The following NBAS variants were observed in gnomAD, a reference collection of about 807,000 sequenced individuals.
NBAS encodes NBAS subunit of NRZ tethering complex.
A neutral mutation model predicts 302.5 loss-of-function variants in NBAS; 219 were observed. The ratio of observed to expected loss-of-function variants is 0.72; its 90% confidence interval spans 0.65 to 0.81. NBAS has a LOEUF of 0.81. Among genes scored for constraint, NBAS ranks in the 30% least tolerant of loss-of-function variants. The pLI is 0.00. For missense variants in NBAS, 2,932 were observed against 2,841.6 expected (o/e 1.03, Z -0.72); for synonymous variants, 1,118 against 1,021.6 (o/e 1.09, Z -1.80).
the NBAS span, among the ~76,000 whole-genome samples, chr2:14,815,430 C>A: frequency 6.6e-6 from 1 of 152,172 alleles, no homozygotes; most frequent in African/African-American, 2.4e-5. Flanking sequence ...TAGTTCCTGG[C>A]ACTCACACTT....
the NBAS span, among the ~76,000 whole-genome samples, chr2:14,997,123 A>G: frequency 6.6e-6 from 1 of 152,242 alleles, no homozygotes; most frequent in Non-Finnish European, 1.5e-5. Context: ...TGGATAAAGG[A>G]GAAAACAACA....
chr2:15,414,165 A>T (rs576527912), intron 25 of NBAS, among the ~76,000 whole-genome samples: 1 of 152,370 alleles, frequency 6.6e-6, no homozygotes, highest in African/African-American at 2.4e-5. Flanking sequence ...AGAAAATTTT[A>T]AAAAGCCAAT....
intron 2 of NBAS, among the ~76,000 whole-genome samples, chr2:15,557,324 C>T (rs998917564): frequency 6.6e-6 from 1 of 151,996 alleles, no homozygotes; most frequent in Non-Finnish European, 1.5e-5. Context: ...TATGTGTGTA[C>T]CTGTGTATGC....
the NBAS span, among the ~76,000 whole-genome samples, chr2:15,153,030 A>C: frequency 6.6e-6 from 1 of 152,252 alleles, no homozygotes; most frequent in Non-Finnish European, 1.5e-5. Context: ...TTTTAGGCTC[A>C]CACAGGTTGT....
chr2:15,244,161 G>C (rs536898475), intron 44 of NBAS, among the ~76,000 whole-genome samples: 7 of 152,114 alleles, frequency 4.6e-5, no homozygotes, highest in Non-Finnish European at 5.9e-5. Context: ...ATGTGGCTAC[G>C]GGCACATGAC....
At chr2:14,792,276 A>G in the NBAS span, among the ~76,000 whole-genome samples, 1 of 152,236 alleles carries the variant, frequency 6.6e-6, no homozygotes, top group South Asian at 2.1e-4. Flanking sequence ...TGAAAATATC[A>G]TAAGTTGAAA....
At chr2:14,783,712 G>A in the NBAS span, among the ~76,000 whole-genome samples, 1 of 151,858 alleles carries the variant, frequency 6.6e-6, no homozygotes, top group Non-Finnish European at 1.5e-5. Flanking sequence ...TCTTAATCCA[G>A]TCTATCATTG....
the NBAS span, among the ~76,000 whole-genome samples, chr2:15,072,853 G>T: frequency 6.6e-6 from 1 of 152,216 alleles, no homozygotes; most frequent in African/African-American, 2.4e-5. Flanking sequence ...CACAGGCCAG[G>T]CGCAGAGGCT....
chr2:14,853,971 T>C, the NBAS span, among the ~76,000 whole-genome samples: 2 of 139,716 alleles, frequency 1.4e-5, no homozygotes, highest in African/African-American at 5.4e-5. Flanking sequence ...TACCTAATGC[T>C]AGATGACGAG....
At chr2:14,955,942 C>A in the NBAS span, among the ~76,000 whole-genome samples, 1 of 152,218 alleles carries the variant, frequency 6.6e-6, no homozygotes, top group Non-Finnish European at 1.5e-5. Flanking sequence ...ATGCAAATTT[C>A]TGCAGCTGGC....
At chr2:14,809,995 G>T in the NBAS span, among the ~76,000 whole-genome samples, 1 of 152,198 alleles carries the variant, frequency 6.6e-6, no homozygotes, top group Non-Finnish European at 1.5e-5. Flanking sequence ...CAGCCCCTTT[G>T]TTTTGGCCAA....
chr2:14,890,002 C>T, the NBAS span, among the ~76,000 whole-genome samples: 1 of 152,208 alleles, frequency 6.6e-6, no homozygotes, highest in Non-Finnish European at 1.5e-5. Context: ...ACATTAAAAT[C>T]ATTGTAAAAT....
At chr2:15,009,714 A>G in the NBAS span, among the ~76,000 whole-genome samples, 2 of 147,734 alleles carry the variant, frequency 1.4e-5, no homozygotes, top group African/African-American at 5.0e-5. Context: ...ATATATATAT[A>G]TATATACGGT....
At chr2:15,211,215 A>G (rs1166908846) in intron 48 of NBAS, among the ~76,000 whole-genome samples, 1 of 152,230 alleles carries the variant, frequency 6.6e-6, no homozygotes, top group African/African-American at 2.4e-5. Context: ...GCATGCCTGT[A>G]TCAAGATATC....
the NBAS span, among the ~76,000 whole-genome samples, chr2:14,863,297 A>G: frequency 6.6e-6 from 1 of 152,246 alleles, no homozygotes; most frequent in Non-Finnish European, 1.5e-5. Context: ...ACTTGGGTGC[A>G]AGTGGGCTGA....
intron 30 of NBAS, among the ~76,000 whole-genome samples, chr2:15,375,410 T>G (rs1199201313): frequency 6.6e-6 from 1 of 152,184 alleles, no homozygotes; most frequent in African/African-American, 2.4e-5. Context: ...AATGTAAGAT[T>G]AGAAAGACAG....
the NBAS span, among the ~76,000 whole-genome samples, chr2:14,986,060 T>C: frequency 6.6e-6 from 1 of 152,166 alleles, no homozygotes. Flanking sequence ...TGCATTTGGT[T>C]AGAATTCACA....
the NBAS span, among the ~76,000 whole-genome samples, chr2:14,895,945 C>A: frequency 6.6e-6 from 1 of 151,340 alleles, no homozygotes; most frequent in South Asian, 2.1e-4. Context: ...CAAACCTCAC[C>A]ATGACACAAT....
chr2:15,258,060 G>A (rs985519156), intron 44 of NBAS, among the ~76,000 whole-genome samples: 7 of 152,048 alleles, frequency 4.6e-5, no homozygotes, highest in Non-Finnish European at 7.4e-5. Flanking sequence ...TCAATGTTGC[G>A]GGAACTCAGG....
Sources: gnomAD v4.1 joint callset for allele counts (sites outside exome capture counted in the v4.1 genomes callset) on GRCh38, gnomAD v4.1.1 for gene constraint, MANE v1.5 for transcripts, NCBI Gene and HGNC (gene_info 2026-07-23, HGNC 2026-07-21) for gene names.